LCMT2: variants seen among roughly 807,000 people sequenced by gnomAD.
LCMT2 encodes the protein leucine carboxyl methyltransferase 2.
Under a neutral mutation model 42.0 loss-of-function variants are expected in LCMT2, and 34 were observed. The observed-to-expected ratio is 0.81, with a 90% confidence interval of 0.62 to 1.08. The LOEUF is 1.08. LCMT2 is among the 50% of genes least tolerant of loss of function. LCMT2 has a pLI of 0.00. For missense variants in LCMT2, 1,091 were observed against 889.4 expected (o/e 1.23, Z -2.88); for synonymous variants, 445 against 369.5 (o/e 1.20, Z -2.34).
rs1272152146 is a variant in LCMT2, at chr15:43,324,098, A to G, written c.*4331T>C. 6.6e-6 allele frequency: 1 copy of G among 152,160 alleles called. No individual in the cohort carries two copies. Among genetic ancestry groups the G allele is most frequent in the East Asian group, 1.9e-4 (1 of 5,194 alleles). The allele number at this position is 152,160 out of a possible 1,614,324, so 9.4% of individuals were successfully genotyped here. ...AATTCTTGTTTACTCATAATTATTG[A>G]CATCCAAGGAAATCTCAGCCTACTC... On this transcript the variant is annotated 3_prime_UTR_variant, in exon 1 of 1. Coordinates refer to ENST00000305641, the MANE Select transcript of LCMT2 (RefSeq NM_014793.5).
chr15:43,330,039 C>G lies in LCMT2; in HGVS notation c.451G>C (p.Glu151Gln). Residue 151 changes from glutamate to glutamine, a missense_variant, in exon 1 of 1, where the codon GAG becomes CAG. Physicochemically the swap from Glu to Gln is conservative, Grantham distance 29 (BLOSUM62 2). Transcript: ENST00000305641. ...RGEPASALCF[E>Q]SADYCILGLD... ...CCCAGGATGCAGTAGTCTGCGCTCTCAAAGCACAGCGCGGACGCGGGCTCC... is the reference window on the plus strand; with the variant it reads ...CCCAGGATGCAGTAGTCTGCGCTCTGAAAGCACAGCGCGGACGCGGGCTCC... The G allele has an allele frequency of 6.2e-7, 1 of 1,612,656 alleles. No individual in the cohort carries two copies. The highest frequency in any genetic ancestry group is 8.5e-7 in the Non-Finnish European group (1 of 1,179,954).
rs1382911906 is a variant in LCMT2, at chr15:43,327,256, A to G, written c.*1173T>C. The G allele has an allele frequency of 1.3e-5, 2 of 152,210 alleles. No individual in the cohort carries two copies. 9.4% of individuals were successfully genotyped at this position (152,210 alleles called of 1,614,324 possible). A position where few individuals can be genotyped will look rare whatever the true frequency, so the allele number is the denominator to read the frequency against. ...TAACGATGAAATGTTCTACATCTAC[A>G]TTGTCTAATACAGTAGCCAAAGCCA... On this transcript the variant is annotated 3_prime_UTR_variant, in exon 1 of 1. Transcript: ENST00000305641.
At position 43,329,930 on chromosome 15, in the gene LCMT2, G is replaced by C; in HGVS notation, c.560C>G (p.Ala187Gly). The change falls in exon 1 of 1, where the codon GCC becomes GGC. Residue 187 changes from alanine (A) to glycine (G), a missense_variant. Transcript: ENST00000305641. ...LDAASPTLLL[A>G]EAVLTYLEPE... is the part of the protein sequence containing the mutation. Reference sequence around the variant, plus strand: ...CTCGAGGTAGGTCAGCACCGCCTCGGCCAGGAGCAGAGTGGGTGAGGCTGC... The same window carrying C: ...CTCGAGGTAGGTCAGCACCGCCTCGCCCAGGAGCAGAGTGGGTGAGGCTGC... The C allele has an allele frequency of 5.0e-6, 8 of 1,612,774 alleles. No homozygotes were observed. The highest frequency in any genetic ancestry group is 1.3e-5 in the African/African-American group (1 of 75,060).
Position 43,326,033 on chromosome 15 carries a change from A to ACTTTTTTT in LCMT2, c.*2395_*2396insAAAAAAAG. 1 of 95,542 alleles carries ACTTTTTTT rather than the reference A, an allele frequency of 1.0e-5. No homozygotes were observed. The highest frequency in any genetic ancestry group is 2.3e-5 in the Non-Finnish European group (1 of 43,870). 5.9% of individuals were successfully genotyped at this position (95,542 alleles called of 1,614,324 possible). A position where few individuals can be genotyped will look rare whatever the true frequency, so the allele number is the denominator to read the frequency against. On this transcript the variant is annotated 3_prime_UTR_variant, in exon 1 of 1. Coordinates refer to ENST00000305641, the MANE Select transcript of LCMT2 (RefSeq NM_014793.5). ...TCTTTGTATATATAGATAGATGGAT[A>ACTTTTTTT]ATTTTTTTTTTTTTTTTTTTTTTTT... is the stretch of plus-strand genomic sequence containing the variant.
chr15:43,329,678 A>C lies in LCMT2; in HGVS notation c.812T>G (p.Met271Arg), dbSNP rs752915096. The change falls in exon 1 of 1, where the codon ATG becomes AGG. Residue 271 changes from methionine (M) to arginine (R), a missense_variant. Coordinates refer to ENST00000305641, the MANE Select transcript of LCMT2 (RefSeq NM_014793.5). ...AGWTACGAVD[M>R]NEFYHCFLPA... Reference sequence around the variant, plus strand: ...AAGAAAGCAGTGATAGAATTCATTCATGTCCACGGCACCGCAGGCGGTCCA... The same window carrying C: ...AAGAAAGCAGTGATAGAATTCATTCCTGTCCACGGCACCGCAGGCGGTCCA... 5 of 1,613,552 alleles carry C rather than the reference A, an allele frequency of 3.1e-6. No homozygotes were observed. The highest frequency in any genetic ancestry group is 3.4e-6 in the Non-Finnish European group (4 of 1,180,002).
Position 43,328,461 on chromosome 15 carries a change from A to G in LCMT2, c.2029T>C (p.Leu677=). 1 of 1,614,132 alleles carries G rather than the reference A, an allele frequency of 6.2e-7. No individual in the cohort carries two copies. The highest frequency in any genetic ancestry group is 2.2e-5 in the East Asian group (1 of 44,888). Residue 677 remains leucine (L), a synonymous_variant, in exon 1 of 1, where the codon TTA becomes CTA. Transcript: ENST00000305641. Reference sequence around the variant, plus strand: ...CCAGCACTTAAGGAAGAAAGGTCTAATGTGACTGTATGGGGGTTGAAGTAG... The same window carrying G: ...CCAGCACTTAAGGAAGAAAGGTCTAGTGTGACTGTATGGGGGTTGAAGTAG... ...GTYFNPHTVT[L]DLSSLSAGQ
chr15:43,328,749 G>A lies in LCMT2; in HGVS notation c.1741C>T (p.Pro581Ser), dbSNP rs1400109258. Reference protein sequence around the residue: ...GFLWESVDIQPPITPRYSHTA... With the variant: ...GFLWESVDIQSPITPRYSHTA... ...TGGGAGTACCTTGGGGTAATGGGAG[G>A]CTGGATGTCTACTGACTCCCAGAGG... The change falls in exon 1 of 1, where the codon CCT (proline) becomes TCT (serine). Residue 581 changes from proline to serine, a missense_variant. Physicochemically the swap from Pro to Ser is moderately conservative, Grantham distance 74. Coordinates refer to ENST00000305641, the MANE Select transcript of LCMT2 (RefSeq NM_014793.5). 9 of 1,613,716 alleles carry A rather than the reference G, an allele frequency of 5.6e-6. No homozygotes were observed. The Admixed American group carries it at 1.2e-4, about 21-fold the overall frequency.
In LCMT2 at chr15:43,324,660, A is replaced by AACAC. The variant is rs1394188593; in HGVS notation, c.*3768_*3769insGTGT. On this transcript the variant is annotated 3_prime_UTR_variant, in exon 1 of 1. Transcript: ENST00000305641. Reference sequence around the variant, plus strand: ...CAAAAAGCAAACAAACAAACAAACAAACAAACAAACCCAAAAAACCTCACC... The same window carrying AACAC: ...CAAAAAGCAAACAAACAAACAAACAAACACACAAACAAACCCAAAAAACCTCACC... 7.0e-6 allele frequency: 1 copy of AACAC among 142,414 alleles called. No homozygotes were observed. Among genetic ancestry groups the AACAC allele is most frequent in the Non-Finnish European group, 1.6e-5 (1 of 63,672 alleles). 8.8% of individuals were successfully genotyped at this position (142,414 alleles called of 1,614,324 possible).
In LCMT2 at chr15:43,326,801, T is replaced by C. The variant is rs1044172839; in HGVS notation, c.*1628A>G. On this transcript the variant is annotated 3_prime_UTR_variant, in exon 1 of 1. Transcript: ENST00000305641. Reference sequence around the variant, plus strand: ...GACTGTCCTCTCCATACACTTAGGTTTGTGTTTGCTACTTGGTTTTTATAT... The same window carrying C: ...GACTGTCCTCTCCATACACTTAGGTCTGTGTTTGCTACTTGGTTTTTATAT... The C allele has an allele frequency of 6.6e-6, 1 of 152,224 alleles. No homozygotes were observed. The highest frequency in any genetic ancestry group is 2.4e-5 in the African/African-American group (1 of 41,444). 9.4% of individuals were successfully genotyped at this position (152,224 alleles called of 1,614,324 possible). A position where few individuals can be genotyped will look rare whatever the true frequency, so the allele number is the denominator to read the frequency against.
At position 43,328,462 on chromosome 15, in the gene LCMT2, T is replaced by C. The variant is rs753556643; in HGVS notation, c.2028A>G (p.Thr676=). ...FGTYFNPHTV[T]LDLSSLSAGQ is the part of the protein sequence containing the mutation. ...CAGCACTTAAGGAAGAAAGGTCTAATGTGACTGTATGGGGGTTGAAGTAGG... is the reference window on the plus strand; with the variant it reads ...CAGCACTTAAGGAAGAAAGGTCTAACGTGACTGTATGGGGGTTGAAGTAGG... Residue 676 remains threonine, a synonymous_variant, in exon 1 of 1, where the codon ACA becomes ACG. Transcript: ENST00000305641. The C allele has an allele frequency of 1.1e-5, 17 of 1,614,036 alleles. No individual in the cohort carries two copies. Among genetic ancestry groups the C allele is most frequent in the African/African-American group, 2.7e-5 (2 of 74,924 alleles).
chr15:43,326,499 A>T lies in LCMT2; in HGVS notation c.*1930T>A, dbSNP rs1439061494. 1 of 152,002 alleles carries T rather than the reference A, an allele frequency of 6.6e-6. No homozygotes were observed. The highest frequency in any genetic ancestry group is 1.5e-5 in the Non-Finnish European group (1 of 68,026). The allele number at this position is 152,002 out of a possible 1,614,324, so 9.4% of individuals were successfully genotyped here. ...GAGACGGGGTCTCACTCTGTCAACC[A>T]GGCAGGAGTGCAGTGGCACAATCAC... On this transcript the variant is annotated 3_prime_UTR_variant, in exon 1 of 1. Coordinates refer to ENST00000305641, the MANE Select transcript of LCMT2 (RefSeq NM_014793.5).
At position 43,328,347 on chromosome 15, in the gene LCMT2, C is replaced by T; in HGVS notation, c.*82G>A. ...AAAAGGATGGGGAAAGGAGGAGTGG[C>T]AGTATCTATAGCTAGAGGGTCATCC... On this transcript the variant is annotated 3_prime_UTR_variant, in exon 1 of 1. Transcript: ENST00000305641. 2 of 1,380,294 alleles carry T rather than the reference C, an allele frequency of 1.4e-6. No individual in the cohort carries two copies. The highest frequency in any genetic ancestry group is 2.7e-5 in the South Asian group (2 of 72,898). The allele number at this position is 1,380,294 out of a possible 1,614,324, so 85.5% of individuals were successfully genotyped here.
rs1334626382 is a variant in LCMT2 at position 43,324,958 on chromosome 15, C to T, written c.*3471G>A. 2 of 152,200 alleles carry T rather than the reference C, an allele frequency of 1.3e-5. No homozygotes were observed. Among genetic ancestry groups the T allele is most frequent in the Non-Finnish European group, 2.9e-5 (2 of 68,030 alleles). The allele number at this position is 152,200 out of a possible 1,614,324, so 9.4% of individuals were successfully genotyped here. ...CCTGGGTCCTGGAACATATTGGATA[C>T]ATACCATCTCCCAAAGATCATTAAG... On this transcript the variant is annotated 3_prime_UTR_variant, in exon 1 of 1. Transcript: ENST00000305641.
At position 43,328,299 on chromosome 15, in the gene LCMT2, G is replaced by T; in HGVS notation, c.*130C>A. The T allele has an allele frequency of 6.0e-6, 6 of 995,912 alleles. No homozygotes were observed. Among genetic ancestry groups the T allele is most frequent in the Non-Finnish European group, 8.9e-6 (6 of 675,318 alleles). The allele number at this position is 995,912 out of a possible 1,614,324, so 61.7% of individuals were successfully genotyped here. A position where few individuals can be genotyped will look rare whatever the true frequency, so the allele number is the denominator to read the frequency against. On this transcript the variant is annotated 3_prime_UTR_variant, in exon 1 of 1. Transcript: ENST00000305641. ...ATTTTACCAACCTTTTTCACTTTTT[G>T]CACTGAATAGTGCTAAGGGAAAAAA...
Position 43,328,999 on chromosome 15 carries a change from CACAA to C in LCMT2, c.1487_1490del (p.Phe496CysfsTer12), listed in dbSNP as rs760888085. The C allele has an allele frequency of 1.7e-5, 28 of 1,614,122 alleles. No individual in the cohort carries two copies. The South Asian group carries it at 2.1e-4, about 12-fold the overall frequency. ...GTTCCACCACGCTTCGACCCCCATACACAAACAAATATTCCTGATTCTGACAGGA... is the reference window on the plus strand; with the variant it reads ...GTTCCACCACGCTTCGACCCCCATACACAAATATTCCTGATTCTGACAGGA... On this transcript the variant is annotated frameshift_variant, in exon 1 of 1. Transcript: ENST00000305641. LOFTEE classifies it high-confidence loss of function.
Position 43,329,812 on chromosome 15 carries a change from G to A in LCMT2, c.678C>T (p.Ala226=), listed in dbSNP as rs769943783. ...AATGTTGCAGCATGAACTGGCCAAA[G>A]GCGTCTTGAGGCCTCATCTGCTCAT... The part of the protein sequence containing the change: ...VVYEQMRPQD[A]FGQFMLQHFR... The change falls in exon 1 of 1, where the codon GCC becomes GCT. Residue 226 remains alanine, a synonymous_variant. Coordinates refer to ENST00000305641, the MANE Select transcript of LCMT2 (RefSeq NM_014793.5). 1.2e-5 allele frequency: 19 copies of A among 1,613,856 alleles called. No individual in the cohort carries two copies. Among genetic ancestry groups the A allele is most frequent in the Middle Eastern group, 1.6e-4 (1 of 6,084 alleles).
In LCMT2 at chr15:43,329,878, G is replaced by A. The variant is rs2043159047; in HGVS notation, c.612C>T (p.Ala204=). Residue 204 remains alanine, a synonymous_variant, in exon 1 of 1, where the codon GCC becomes GCT. Transcript: ENST00000305641. ...CATTAGGAAAACGCTGGGCTGCCCA[G>A]GCGATGAGGGCCGCGGCACTCTCCG... ...LEPESAAALI[A]WAAQRFPNAL... 5 of 1,613,394 alleles carry A rather than the reference G, an allele frequency of 3.1e-6. No individual in the cohort carries two copies. The highest frequency in any genetic ancestry group is 4.2e-6 in the Non-Finnish European group (5 of 1,179,912).
At position 43,329,007 on chromosome 15, in the gene LCMT2, A is replaced by C. The variant is rs760272154; in HGVS notation, c.1483T>G (p.Leu495Val). The C allele has an allele frequency of 3.1e-6, 5 of 1,614,134 alleles. No individual in the cohort carries two copies. In the South Asian group the frequency reaches 5.5e-5, roughly 18 times the overall value. ...TEVSCQNQEY[L>V]FVYGGRSVVE... ...ACGCTTCGACCCCCATACACAAACAAATATTCCTGATTCTGACAGGACACT... is the reference window on the plus strand; with the variant it reads ...ACGCTTCGACCCCCATACACAAACACATATTCCTGATTCTGACAGGACACT... Residue 495 changes from leucine to valine, a missense_variant, in exon 1 of 1, where the codon TTG (leucine) becomes GTG (valine). Transcript: ENST00000305641.
In LCMT2 at chr15:43,324,278, A is replaced by G. The variant is rs1167869797; in HGVS notation, c.*4151T>C. On this transcript the variant is annotated 3_prime_UTR_variant, in exon 1 of 1. Coordinates refer to ENST00000305641, the MANE Select transcript of LCMT2 (RefSeq NM_014793.5). Reference sequence around the variant, plus strand: ...CTTCATTACTGAAGTTAAAAGGCTTAATCTTAAAGTCAAACTAGACATTAT... The same window carrying G: ...CTTCATTACTGAAGTTAAAAGGCTTGATCTTAAAGTCAAACTAGACATTAT... 6.6e-6 allele frequency: 1 copy of G among 152,102 alleles called. No individual in the cohort carries two copies. The highest frequency in any genetic ancestry group is 2.4e-5 in the African/African-American group (1 of 41,394). 9.4% of individuals were successfully genotyped at this position (152,102 alleles called of 1,614,324 possible).
Sources: allele counts gnomAD v4.1 joint callset, GRCh38; gene constraint gnomAD v4.1.1; transcripts MANE v1.5; gene names NCBI Gene and HGNC (gene_info 2026-07-23, HGNC 2026-07-21).